The following SPRR2B variants were observed in gnomAD, a reference collection of about 807,000 sequenced individuals.
SPRR2B encodes small proline-rich protein 2B.
Under a neutral mutation model 1.0 loss-of-function variants are expected in SPRR2B, and 1 was observed. That is an observed-to-expected ratio of 1.01 (90% CI 0.36 to 4.77). SPRR2B has a LOEUF of 4.77. Among genes scored for constraint, SPRR2B ranks in the 30% most tolerant of loss-of-function variants. The probability of loss-of-function intolerance (pLI) is 0.16; values close to 1 mark genes in which losing one functional copy is unlikely to be tolerated. For missense variants in SPRR2B, 53 were observed against 88.7 expected, an observed-to-expected ratio of 0.60 and a Z score of 1.62; for synonymous variants, 27 against 33.4, an observed-to-expected ratio of 0.81 and a Z score of 0.66.
chr1:153,074,902 C>T (rs1329314644), upstream of SPRR2B, among the ~76,000 whole-genome samples: 1 of 152,136 alleles, frequency 6.6e-6, no homozygotes, highest in African/African-American at 2.4e-5. Context: ...TGGATGGAAG[C>T]AGCAGTTGTT....
upstream of SPRR2B, among the ~76,000 whole-genome samples, chr1:153,073,239 C>T (rs1397260987): frequency 1.3e-5 from 2 of 152,194 alleles, no homozygotes; most frequent in African/African-American, 4.8e-5. Context: ...AGTGTTCTCA[C>T]CAAATGTGTC....
At chr1:153,083,029 G>A in the SPRR2B span, among the ~76,000 whole-genome samples, 1 of 152,120 alleles carries the variant, frequency 6.6e-6, no homozygotes, top group Non-Finnish European at 1.5e-5. Flanking sequence ...ACATTACACT[G>A]ATTTTACAGA....
chr1:153,075,115 G>A (rs147591728), upstream of SPRR2B, among the ~76,000 whole-genome samples: 515 of 152,270 alleles, frequency 3.4e-3, 3 homozygotes, highest in African/African-American at 0.012. Flanking sequence ...GGAGACCAAC[G>A]TGGGTTGATC....
chr1:153,085,791 G>C, the SPRR2B span, among the ~76,000 whole-genome samples: 1 of 152,232 alleles, frequency 6.6e-6, no homozygotes, highest in Non-Finnish European at 1.5e-5. Flanking sequence ...AGAAAGATCA[G>C]GTCACCTACA....
upstream of SPRR2B, among the ~76,000 whole-genome samples, chr1:153,072,601 T>G (rs1180648833): frequency 1.3e-5 from 2 of 152,146 alleles, no homozygotes; most frequent in African/African-American, 4.8e-5. Flanking sequence ...ATCAACTCAG[T>G]GTGATCCTAT....
chr1:153,073,695 T>TCACACACACACACACACACACACA (rs4041380), upstream of SPRR2B, among the ~76,000 whole-genome samples: 1 of 144,512 alleles, frequency 6.9e-6, no homozygotes, highest in Non-Finnish European at 1.5e-5. Flanking sequence ...GAGGCATACT[T>TCACACACACACACACACACACACA]CACACACACA....
the SPRR2B span, among the ~76,000 whole-genome samples, chr1:153,077,686 G>A: frequency 1.3e-5 from 2 of 150,274 alleles, no homozygotes; most frequent in African/African-American, 4.9e-5. Context: ...GCATGATCTT[G>A]GTTCACTGCA....
At chr1:153,082,991 A>T in the SPRR2B span, among the ~76,000 whole-genome samples, 3 of 152,202 alleles carry the variant, frequency 2.0e-5, no homozygotes, top group Non-Finnish European at 4.4e-5. Flanking sequence ...TAAGACTCAA[A>T]TAGCTAAAAT....
chr1:153,073,472 G>A (rs1654713434), upstream of SPRR2B, among the ~76,000 whole-genome samples: 1 of 152,100 alleles, frequency 6.6e-6, no homozygotes, highest in Non-Finnish European at 1.5e-5. Flanking sequence ...CACTCAAACA[G>A]GCTGTTTATC....
upstream of SPRR2B, among the ~76,000 whole-genome samples, chr1:153,072,242 G>T (rs1299793551): frequency 6.6e-6 from 1 of 152,114 alleles, no homozygotes; most frequent in Non-Finnish European, 1.5e-5. Flanking sequence ...CTTTGAAGTT[G>T]TCTTACACAC....
chr1:153,086,878 T>C, the SPRR2B span, among the ~76,000 whole-genome samples: 1 of 152,098 alleles, frequency 6.6e-6, no homozygotes, highest in African/African-American at 2.4e-5. Context: ...TAACAACCAA[T>C]TTCTCAAACC....
chr1:153,078,255 A>C, the SPRR2B span, among the ~76,000 whole-genome samples: 1 of 152,250 alleles, frequency 6.6e-6, no homozygotes, highest in Non-Finnish European at 1.5e-5. Context: ...AGTAGCCAAA[A>C]GAGACCAGAG....
the SPRR2B span, among the ~76,000 whole-genome samples, chr1:153,085,841 A>G: frequency 6.6e-6 from 1 of 152,238 alleles, no homozygotes; most frequent in Non-Finnish European, 1.5e-5. Flanking sequence ...CTCTCAGCAG[A>G]AACCGTACAA....
chr1:153,076,292 T>C (rs935159941), upstream of SPRR2B, among the ~76,000 whole-genome samples: 4 of 152,196 alleles, frequency 2.6e-5, no homozygotes, highest in African/African-American at 7.2e-5. Flanking sequence ...ATTTTCTCCA[T>C]ATGTTAGATC....
the SPRR2B span, among the ~76,000 whole-genome samples, chr1:153,080,652 G>T: frequency 6.6e-6 from 1 of 152,156 alleles, no homozygotes; most frequent in African/African-American, 2.4e-5. Flanking sequence ...AACATAGGAT[G>T]AGAGTCCTGC....
chr1:153,072,706 C>A (rs1654694100), upstream of SPRR2B, among the ~76,000 whole-genome samples: 1 of 152,066 alleles, frequency 6.6e-6, no homozygotes, highest in African/African-American at 2.4e-5. Flanking sequence ...TTGTCTTTTC[C>A]CAAAGCCCTC....
At chr1:153,071,256 T>C (rs905141199) in intron 1 of SPRR2B, among the ~76,000 whole-genome samples, 1 of 149,690 alleles carries the variant, frequency 6.7e-6, no homozygotes, top group African/African-American at 2.4e-5. Flanking sequence ...CAGGAAGAAG[T>C]GCTGGCTCTC....
the SPRR2B span, among the ~76,000 whole-genome samples, chr1:153,083,845 G>C: frequency 6.6e-6 from 1 of 152,224 alleles, no homozygotes; most frequent in Non-Finnish European, 1.5e-5. Context: ...AAGGGGTTTG[G>C]TAAGGGAGTG....
At chr1:153,085,476 A>AAT in the SPRR2B span, among the ~76,000 whole-genome samples, 1 of 152,248 alleles carries the variant, frequency 6.6e-6, no homozygotes. Flanking sequence ...CAGACAAGAA[A>AAT]AGATAGAAAT....
Sources: gnomAD v4.1 joint callset for allele counts (sites outside exome capture counted in the v4.1 genomes callset) on GRCh38, gnomAD v4.1.1 for gene constraint, MANE v1.5 for transcripts, NCBI Gene and HGNC (gene_info 2026-07-23, HGNC 2026-07-21) for gene names.